RAD52: variants seen among roughly 807,000 people sequenced by gnomAD.
The protein encoded by RAD52 is RAD52 DNA repair protein, also known as DNA repair protein RAD52 homolog.
RAD52 carries 47 observed loss-of-function variants against 55.5 expected under a neutral mutation model. That is an observed-to-expected ratio of 0.85 (90% CI 0.67 to 1.08). RAD52 has a LOEUF of 1.08. Ranked by LOEUF, RAD52 falls within the 50% of genes least tolerant of loss-of-function variation. The pLI is 0.00. For missense variants in RAD52, 468 were observed against 522.8 expected (o/e 0.90, Z 1.02); for synonymous variants, 184 against 198.9 (o/e 0.92, Z 0.63).
chr12:927,283 T>C lies in RAD52; in HGVS notation c.349-20A>G, dbSNP rs774577524. The C allele has an allele frequency of 1.3e-6, 2 of 1,576,998 alleles. No individual in the cohort carries two copies. The highest frequency in any genetic ancestry group is 1.7e-6 in the Non-Finnish European group (2 of 1,146,492). On this transcript the variant is annotated intron_variant, in intron 5 of 11. Coordinates refer to ENST00000358495, the MANE Select transcript of RAD52 (RefSeq NM_134424.4). ...ACCATCCTGGGGGCAGAAAAGGAGT[T>C]TGAACTCAAACACGAGAGCGGCAGG...
intron 7 of RAD52, among the ~76,000 whole-genome samples, chr12:922,582 G>A (rs1011245905): frequency 6.6e-6 from 1 of 152,148 alleles, no homozygotes; most frequent in Non-Finnish European, 1.5e-5. Flanking sequence ...CTACATGGAT[G>A]AATCTTAAAG....
At chr12:966,140 A>T (rs755090138) in intron 1 of RAD52, among the ~76,000 whole-genome samples, 4 of 151,800 alleles carry the variant, frequency 2.6e-5, no homozygotes, top group South Asian at 2.1e-4. Context: ...ATTTTTAAAA[A>T]TTTTTTAGTA....
intron 1 of RAD52, among the ~76,000 whole-genome samples, chr12:982,015 G>T (rs1041211523): frequency 1.3e-5 from 2 of 152,152 alleles, no homozygotes; most frequent in East Asian, 1.9e-4. Flanking sequence ...CTGGAACTGA[G>T]GAGACATCTT....
chr12:984,166 C>T (rs1451192343), intron 1 of RAD52, among the ~76,000 whole-genome samples: 1 of 152,150 alleles, frequency 6.6e-6, no homozygotes, highest in African/African-American at 2.4e-5. Context: ...CCTCTGTCCT[C>T]TGGCAGCCAC....
chr12:929,786 C>T (rs1234309036), intron 5 of RAD52, 33 bp downstream of exon 5: 2 of 1,591,762 alleles, frequency 1.3e-6, no homozygotes, highest in Admixed American at 1.7e-5. Flanking sequence ...CCCACTGATC[C>T]TTCCGGGCAG....
rs145792649 is a variant in RAD52 at position 922,933 on chromosome 12, C to T, written c.543+2517G>A. On this transcript the variant is annotated intron_variant, in intron 7 of 11. Transcript: ENST00000358495. ...GCAGCCTCCACCTCCCAGGTTCAAG[C>T]GATTCTCATGCCTCAGCCTCCAGAA... is the stretch of plus-strand genomic sequence containing the variant. 7.9e-4 allele frequency among the ~76,000 whole-genome samples: 120 copies of T among 152,142 alleles called. 1 individual carries two copies. The highest frequency in any genetic ancestry group is 6.8e-3 in the Middle Eastern group (2 of 294).
At chr12:926,171 TCA>T (rs1188031904) in intron 6 of RAD52, among the ~76,000 whole-genome samples, 6 of 152,066 alleles carry the variant, frequency 3.9e-5, no homozygotes, top group Non-Finnish European at 7.4e-5. Flanking sequence ...GAGTGAGTTC[TCA>T]CTCAGCTCAT....
chr12:915,906 G>A (rs978913182), intron 9 of RAD52, among the ~76,000 whole-genome samples: 3 of 152,068 alleles, frequency 2.0e-5, no homozygotes, highest in South Asian at 2.1e-4. Context: ...TAATAGAGAC[G>A]GGGTTTCGCC....
chr12:925,538 GA>G lies in RAD52; in HGVS notation c.468-14del, dbSNP rs1956986786. On this transcript the variant is annotated splice_polypyrimidine_tract_variant and intron_variant, in intron 6 of 11. Transcript: ENST00000358495. Reference sequence around the variant, plus strand: ...ATTCCCAAAACTCCTAAGGGCAAGAGAAAAAAAGGTGAAACAGGGTTAAGAA... The same window carrying G: ...ATTCCCAAAACTCCTAAGGGCAAGAGAAAAAAGGTGAAACAGGGTTAAGAA... 1.5e-5 allele frequency: 24 copies of G among 1,594,294 alleles called. No individual in the cohort carries two copies. The highest frequency in any genetic ancestry group is 1.9e-5 in the Non-Finnish European group (22 of 1,163,524).
At chr12:939,085 T>G (rs74593882) in intron 1 of RAD52, among the ~76,000 whole-genome samples, 254 of 144,754 alleles carry the variant, frequency 1.8e-3, no homozygotes, top group South Asian at 3.6e-3. Flanking sequence ...TGTGTGTGTG[T>G]AGAGAGAGAG....
Position 927,059 on chromosome 12 carries a change from T to C in RAD52, c.467+86A>G, listed in dbSNP as rs104895069. ...TGCTTGGATTTTTGAACCATGTGGA[T>C]GTGTTACCTCTTCCAAAAAAAATCG... On this transcript the variant is annotated intron_variant, in intron 6 of 11. Coordinates refer to ENST00000358495, the MANE Select transcript of RAD52 (RefSeq NM_134424.4). 3,840 of 1,516,566 alleles carry C rather than the reference T, an allele frequency of 2.5e-3. 7 individuals carry two copies. Among genetic ancestry groups the C allele is most frequent in the Non-Finnish European group, 3.2e-3 (3,568 of 1,100,182 alleles). 93.9% of individuals were successfully genotyped at this position (1,516,566 alleles called of 1,614,324 possible).
upstream of RAD52, chr12:991,106 G>A (rs1959185693): frequency 6.6e-6 from 1 of 151,618 alleles, no homozygotes; most frequent in Admixed American, 6.6e-5. Context: ...ACGCTCCCGG[G>A]AGGCTGAGGG....
At chr12:939,558 CAT>C (rs1957814944) in intron 1 of RAD52, among the ~76,000 whole-genome samples, 1 of 152,194 alleles carries the variant, frequency 6.6e-6, no homozygotes, top group Non-Finnish European at 1.5e-5. Flanking sequence ...TATCCAAACA[CAT>C]GTCCAAAAAC....
In RAD52 at chr12:933,176, C is replaced by T. The variant is rs1687964245; in HGVS notation, c.-18-100G>A. On this transcript the variant is annotated intron_variant, in intron 1 of 11. Coordinates refer to ENST00000358495, the MANE Select transcript of RAD52 (RefSeq NM_134424.4). Reference sequence around the variant, plus strand: ...AAAAATCACATAAAGAATCCTTATGCGGCCAGGCACAGTGGCTCATGCCTG... The same window carrying T: ...AAAAATCACATAAAGAATCCTTATGTGGCCAGGCACAGTGGCTCATGCCTG... 1.8e-5 allele frequency: 15 copies of T among 816,192 alleles called. No homozygotes were observed. In the South Asian group the frequency reaches 1.9e-4, roughly 10 times the overall value. The allele number at this position is 816,192 out of a possible 1,614,324, so 50.6% of individuals were successfully genotyped here.
intron 1 of RAD52, among the ~76,000 whole-genome samples, chr12:980,440 C>A (rs1195732919): frequency 6.6e-6 from 1 of 150,826 alleles, no homozygotes; most frequent in Non-Finnish European, 1.5e-5. Context: ...ATTACAGGTG[C>A]CTGCCACCAT....
intron 1 of RAD52, chr12:974,751 A>G (rs948945923): frequency 1.7e-4 from 26 of 152,244 alleles, no homozygotes; most frequent in African/African-American, 6.3e-4. Flanking sequence ...AGTGTCTTAC[A>G]TGTATTTTCT....
At chr12:952,897 GAAAGGGAACGGAAGA>G (rs1958548782), upstream of RAD52, among the ~76,000 whole-genome samples, 2 of 95,852 alleles carry the variant, frequency 2.1e-5, no homozygotes, top group Non-Finnish European at 4.1e-5. Context: ...TGTCTCAAAA[GAAAGGGAACGGAAGA>G]GAAGGGAAGG....
intron 2 of RAD52, among the ~76,000 whole-genome samples, chr12:932,208 A>G (rs1388566453): frequency 6.6e-6 from 1 of 152,108 alleles, no homozygotes; most frequent in Non-Finnish European, 1.5e-5. Context: ...ATACAAAAAA[A>G]TTAAGCCCGG....
intron 1 of RAD52, among the ~76,000 whole-genome samples, chr12:933,906 G>A (rs997411439): frequency 5.9e-5 from 9 of 151,926 alleles, no homozygotes; most frequent in African/African-American, 2.2e-4. Context: ...AGGACTGCTT[G>A]AGCCCAGGAG....
Sources: gnomAD v4.1 joint callset for allele counts (sites outside exome capture counted in the v4.1 genomes callset) on GRCh38, gnomAD v4.1.1 for gene constraint, MANE v1.5 for transcripts, NCBI Gene and HGNC (gene_info 2026-07-23, HGNC 2026-07-21) for gene names.